FRMD6: variants seen among roughly 807,000 people sequenced by gnomAD.
The protein encoded by FRMD6 is FERM domain-containing protein 6.
A neutral mutation model predicts 73.2 loss-of-function variants in FRMD6; 37 were observed. The ratio of observed to expected loss-of-function variants is 0.51; its 90% CI spans 0.39 to 0.66. The LOEUF is 0.66. FRMD6 is among the 30% of genes least tolerant of loss of function. The pLI is 0.00. For missense variants in FRMD6, 714 were observed against 780.5 expected, an observed-to-expected ratio of 0.91 and a Z score of 1.02; for synonymous variants, 273 against 282.2, an observed-to-expected ratio of 0.97 and a Z score of 0.33.
chr14:51,507,126 A>T (rs1310609400), intron 1 of FRMD6, among the ~76,000 whole-genome samples: 6 of 141,846 alleles, frequency 4.2e-5, no homozygotes, highest in Non-Finnish European at 1.5e-5. Flanking sequence ...ACACACACAC[A>T]CACACACACA....
At chr14:51,438,559 A>G in the FRMD6 span, among the ~76,000 whole-genome samples, 1 of 152,194 alleles carries the variant, frequency 6.6e-6, no homozygotes, top group East Asian at 1.9e-4. Context: ...TTTGATACAC[A>G]CTTTACAGGA....
the FRMD6 span, among the ~76,000 whole-genome samples, chr14:51,482,567 G>A: frequency 2.6e-5 from 4 of 152,114 alleles, no homozygotes; most frequent in African/African-American, 4.8e-5. Context: ...CAGGAAAGCC[G>A]CAAAAATTCT....
the FRMD6 span, among the ~76,000 whole-genome samples, chr14:51,441,592 G>A: frequency 6.6e-6 from 1 of 152,166 alleles, no homozygotes; most frequent in African/African-American, 2.4e-5. Flanking sequence ...TAGGAGCCTT[G>A]GTCCAGTTTT....
At chr14:51,603,641 A>G (rs1890127993) in intron 2 of FRMD6, among the ~76,000 whole-genome samples, 1 of 152,176 alleles carries the variant, frequency 6.6e-6, no homozygotes, top group African/African-American at 2.4e-5. Context: ...GAGACAGTGG[A>G]GCAAGGGCCT....
At position 51,580,237 on chromosome 14, in the gene FRMD6, C is replaced by T. The variant is rs567840268; in HGVS notation, c.-147+9827C>T. ...CCTGGGAGGAATGTGGACACCTGCCCTGCTCATTGGAAATGGACAGGCTCT... is the reference window on the plus strand; with the variant it reads ...CCTGGGAGGAATGTGGACACCTGCCTTGCTCATTGGAAATGGACAGGCTCT... On this transcript the variant is annotated intron_variant, in intron 2 of 14. Transcript: ENST00000356218. Among the ~76,000 whole-genome samples, 3 of 152,242 alleles carry T rather than the reference C, an allele frequency of 2.0e-5. No individual in the cohort carries two copies. The East Asian group carries it at 5.8e-4, about 29-fold the overall frequency.
chr14:51,698,341 A>G (rs1163895381), intron 3 of FRMD6, 109 bp downstream of exon 3: 6 of 595,630 alleles, frequency 1.0e-5, no homozygotes, highest in Admixed American at 3.1e-5. Context: ...GTGATTGTCA[A>G]AATACCCATG....
At chr14:51,478,072 T>C in the FRMD6 span, among the ~76,000 whole-genome samples, 2 of 152,222 alleles carry the variant, frequency 1.3e-5, no homozygotes, top group Admixed American at 6.5e-5. Flanking sequence ...TGACATGTTA[T>C]ATCTTTCCCC....
At chr14:51,456,133 T>C in the FRMD6 span, among the ~76,000 whole-genome samples, 1 of 152,294 alleles carries the variant, frequency 6.6e-6, no homozygotes, top group Admixed American at 6.5e-5. Context: ...GGAATATTTC[T>C]TTTTCTCTTT....
the FRMD6 span, among the ~76,000 whole-genome samples, chr14:51,461,226 G>C: frequency 6.6e-6 from 1 of 152,190 alleles, no homozygotes; most frequent in Admixed American, 6.5e-5. Context: ...AGGAATTACA[G>C]TTGTCTGCAG....
chr14:51,670,733 C>T (rs1458284997), intron 1 of FRMD6, among the ~76,000 whole-genome samples: 2 of 151,860 alleles, frequency 1.3e-5, no homozygotes, highest in Non-Finnish European at 2.9e-5. Context: ...GCAACCTCCA[C>T]TTCCTGGGTT....
rs77402522 is a variant in FRMD6, at chr14:51,720,186, A to G, written c.1156A>G (p.Thr386Ala). 1 of 1,613,706 alleles carries G rather than the reference A, an allele frequency of 6.2e-7. No homozygotes were observed. The highest frequency in any genetic ancestry group is 1.1e-5 in the South Asian group (1 of 91,064). The change falls in exon 11 of 14, where the codon ACC becomes GCC. Residue 386 changes from threonine to alanine, a missense_variant. Thr to Ala is a moderately conservative substitution (Grantham distance 58). Transcript: ENST00000344768. Reference sequence around the variant, plus strand: ...ACACAAGCGCCTGTCCCGTCATTCCACCGCCAGCCACAGCAGTTCCCACAC... The same window carrying G: ...ACACAAGCGCCTGTCCCGTCATTCCGCCGCCAGCCACAGCAGTTCCCACAC... The part of the protein sequence containing the change: ...MKHKRLSRHS[T>A]ASHSSSHTSG...
intron 2 of FRMD6, chr14:51,643,320 C>T (rs943478839): frequency 6.6e-6 from 1 of 152,050 alleles, no homozygotes. Context: ...TGAACAGTCA[C>T]TGTGTGATGA....
chr14:51,584,397 T>C lies in FRMD6; in HGVS notation c.-147+13987T>C, dbSNP rs142640041. The C allele has an allele frequency of 1.6e-4, 24 of 152,204 alleles. No homozygotes were observed. In the East Asian group the frequency reaches 4.1e-3, roughly 26 times the overall value. The allele number at this position is 152,204 out of a possible 1,614,324, so 9.4% of individuals were successfully genotyped here. ...AAACAGTAGAATTTTCCAGAGAGGA[T>C]TGAGAAAACATGATAGGATATCAAT... On this transcript the variant is annotated intron_variant, in intron 2 of 14. Coordinates refer to the FRMD6 transcript ENST00000356218.
chr14:51,727,934 T>C lies in FRMD6; in HGVS notation c.1774T>C (p.Cys592Arg), dbSNP rs777915195. 2 of 1,614,132 alleles carry C rather than the reference T, an allele frequency of 1.2e-6. No individual in the cohort carries two copies. The highest frequency in any genetic ancestry group is 2.2e-5 in the South Asian group (2 of 91,078). The change falls in exon 14 of 14, where the codon TGC becomes CGC. Residue 592 changes from cysteine to arginine, a missense_variant. Cys to Arg is a radical substitution (Grantham distance 180). Coordinates refer to ENST00000344768, the MANE Select transcript of FRMD6 (RefSeq NM_001267046.2). ...TTGCAACAGTTGCTTGGCCCAGCAG[T>C]GCATCAACATCCAAGATGCTTTTCC... ...LYCNSCLAQQ[C>R]INIQDAFPVK... is the part of the protein sequence containing the mutation.
chr14:51,429,424 A>ATTT, the FRMD6 span, among the ~76,000 whole-genome samples: 1,041 of 151,616 alleles, frequency 6.9e-3, 13 homozygotes, highest in African/African-American at 0.025. Context: ...AGTCATGAAG[A>ATTT]TTTTTTTTTG....
chr14:51,442,341 A>G, the FRMD6 span, among the ~76,000 whole-genome samples: 2 of 150,420 alleles, frequency 1.3e-5, no homozygotes, highest in Non-Finnish European at 3.0e-5. Context: ...CTCTTCTCTC[A>G]TTCTCTTTCT....
the FRMD6 span, among the ~76,000 whole-genome samples, chr14:51,412,669 G>T: frequency 6.6e-6 from 1 of 151,982 alleles, no homozygotes; most frequent in Non-Finnish European, 1.5e-5. Flanking sequence ...GGCTAACATG[G>T]TGCAACCCCA....
chr14:51,509,920 T>G (rs938428845), intron 1 of FRMD6, among the ~76,000 whole-genome samples: 1 of 152,192 alleles, frequency 6.6e-6, no homozygotes, highest in African/African-American at 2.4e-5. Flanking sequence ...GCCACTGCCC[T>G]GCGCGTACGT....
the FRMD6 span, among the ~76,000 whole-genome samples, chr14:51,438,843 A>G: frequency 0.53 from 80,848 of 152,022 alleles, 21,921 homozygotes; most frequent in East Asian, 0.68. Context: ...GCCAAGCTAT[A>G]TATAGGGCAG....
Sources: gnomAD v4.1 joint callset for allele counts (sites outside exome capture counted in the v4.1 genomes callset) on GRCh38, gnomAD v4.1.1 for gene constraint, MANE v1.5 for transcripts, NCBI Gene and HGNC (gene_info 2026-07-23, HGNC 2026-07-21) for gene names.